Variants in ALKBH8 observed in about 807,000 individuals in gnomAD.
The protein encoded by ALKBH8 is tRNA (carboxymethyluridine(34)-5-O)-methyltransferase ALKBH8.
In ALKBH8, 36 loss-of-function variants were observed where a neutral mutation model predicts 59.8. The ratio of observed to expected loss-of-function variants is 0.60; its 90% CI spans 0.46 to 0.79. The LOEUF is 0.79. Ranked by LOEUF, ALKBH8 falls within the 30% of genes least tolerant of loss-of-function variation. The pLI, the probability that ALKBH8 is intolerant of heterozygous loss-of-function variation, is 0.00. For missense variants in ALKBH8, 768 were observed against 801.0 expected (o/e 0.96, Z 0.50); for synonymous variants, 276 against 273.6 (o/e 1.01, Z -0.09).
At chr11:107,559,066 G>A (rs989466844) in intron 2 of ALKBH8, among the ~76,000 whole-genome samples, 12 of 152,204 alleles carry the variant, frequency 7.9e-5, no homozygotes, top group African/African-American at 2.4e-4. Context: ...TAGTGAATAA[G>A]TCTCATGAGA....
chr11:107,522,193 A>G (rs1863140012), intron 10 of ALKBH8, 106 bp downstream of exon 10: 2 of 1,325,392 alleles, frequency 1.5e-6, no homozygotes, highest in Non-Finnish European at 2.0e-6. Context: ...GTTGGTTATA[A>G]CTTTCTGGCA....
chr11:107,535,228 T>C (rs753020837), intron 7 of ALKBH8, among the ~76,000 whole-genome samples: 22 of 152,224 alleles, frequency 1.4e-4, no homozygotes, highest in Non-Finnish European at 2.8e-4. Context: ...TGTGCAATTA[T>C]CTTTTTTGTA....
At chr11:107,547,904 TA>T (rs1302174932) in intron 7 of ALKBH8, among the ~76,000 whole-genome samples, 1 of 152,324 alleles carries the variant, frequency 6.6e-6, no homozygotes, top group East Asian at 1.9e-4. Context: ...TCAGTTCAAC[TA>T]AAGGGCAAAT....
intron 10 of ALKBH8, among the ~76,000 whole-genome samples, chr11:107,515,585 G>A (rs1321487625): frequency 6.6e-6 from 1 of 152,060 alleles, no homozygotes; most frequent in Non-Finnish European, 1.5e-5. Flanking sequence ...TCCAACTCTT[G>A]GTCTCAGGCA....
At chr11:107,558,711 A>G (rs901765235) in intron 2 of ALKBH8, among the ~76,000 whole-genome samples, 2 of 152,240 alleles carry the variant, frequency 1.3e-5, no homozygotes, top group African/African-American at 4.8e-5. Flanking sequence ...TGTCATAACT[A>G]AATGTAATAT....
In ALKBH8 at chr11:107,504,762, G is replaced by A. The variant is rs531454169; in HGVS notation, c.1891C>T (p.Arg631Cys). 39 of 1,551,934 alleles carry A rather than the reference G, an allele frequency of 2.5e-5. No individual in the cohort carries two copies. In the East Asian group the frequency reaches 3.4e-4, roughly 14 times the overall value. ...CAGGCACCTTCCAGTTCTCCCTCAC[G>A]GAACACATGGTAGTAACGATGAAAC... ...PVFHRYYHVF[R>C]EGELEGACRT... Residue 631 changes from arginine to cysteine, a missense_variant, in exon 12 of 12, where the codon CGT becomes TGT. Transcript: ENST00000428149.
At chr11:107,520,623 G>A (rs1863069786) in intron 10 of ALKBH8, among the ~76,000 whole-genome samples, 1 of 152,142 alleles carries the variant, frequency 6.6e-6, no homozygotes. Flanking sequence ...ACTGTGGTTT[G>A]TTGTGATTTT....
intron 7 of ALKBH8, among the ~76,000 whole-genome samples, chr11:107,546,203 G>A (rs960011946): frequency 6.6e-6 from 1 of 152,096 alleles, no homozygotes; most frequent in Non-Finnish European, 1.5e-5. Flanking sequence ...TATAATAGAA[G>A]TTAGGTATTG....
rs371011851 is a variant in ALKBH8 at position 107,522,379 on chromosome 11, C to A, written c.1207G>T (p.Ala403Ser). The A allele has an allele frequency of 4.5e-6, 7 of 1,551,716 alleles. No individual in the cohort carries two copies. The highest frequency in any genetic ancestry group is 6.1e-6 in the Non-Finnish European group (7 of 1,146,980). The change falls in exon 10 of 12, where the codon GCT becomes TCT. Residue 403 changes from alanine to serine, a missense_variant. By Grantham distance (99) the Ala-to-Ser change is moderately conservative. Transcript: ENST00000428149. The stretch of plus-strand genomic sequence containing the variant: ...GCCACTATTGAACCACTTGGCAAAG[C>A]CTTCAAAAACTCCACAATGTGCGGC... ...PWPHIVEFLKALPSGSIVADI... is the reference protein window; with the variant it reads ...PWPHIVEFLKSLPSGSIVADI...
In ALKBH8 at chr11:107,504,308, C is replaced by T; in HGVS notation, c.*350G>A. ...TTCTGTATTAACATATAATTACATC[C>T]CTAAAATCCTACATGATTTACTACA... On this transcript the variant is annotated 3_prime_UTR_variant, in exon 12 of 12. Coordinates refer to ENST00000428149, the MANE Select transcript of ALKBH8 (RefSeq NM_138775.3). 1.9e-6 allele frequency: 1 copy of T among 535,222 alleles called. No homozygotes were observed. The highest frequency in any genetic ancestry group is 3.1e-5 in the East Asian group (1 of 32,702). The allele number at this position is 535,222 out of a possible 1,614,324, so 33.2% of individuals were successfully genotyped here. A position where few individuals can be genotyped will look rare whatever the true frequency, so the allele number is the denominator to read the frequency against.
At chr11:107,562,314 T>C (rs996748178) in intron 1 of ALKBH8, among the ~76,000 whole-genome samples, 1 of 136,386 alleles carries the variant, frequency 7.3e-6, no homozygotes, top group Admixed American at 7.1e-5. Context: ...AAAAAAAAAG[T>C]ATGTAAACTG....
chr11:107,542,837 G>C (rs1295844662), intron 7 of ALKBH8, among the ~76,000 whole-genome samples: 1 of 152,174 alleles, frequency 6.6e-6, no homozygotes, highest in Non-Finnish European at 1.5e-5. Flanking sequence ...TTGAGACTGG[G>C]AGGTCGAGGC....
intron 10 of ALKBH8, among the ~76,000 whole-genome samples, chr11:107,513,150 A>G (rs1187448876): frequency 6.6e-6 from 1 of 152,236 alleles, no homozygotes; most frequent in East Asian, 1.9e-4. Flanking sequence ...CAAACTATGG[A>G]TCTGACAAAG....
chr11:107,526,014 T>C (rs1231772891), intron 8 of ALKBH8, among the ~76,000 whole-genome samples: 2 of 151,982 alleles, frequency 1.3e-5, no homozygotes, highest in Admixed American at 1.3e-4. Context: ...AACTACATGG[T>C]AATTACAAGT....
At position 107,565,675 on chromosome 11, in the gene ALKBH8, G is replaced by C. The variant is rs551679097; in HGVS notation, c.-81C>G. 7.8e-6 allele frequency: 12 copies of C among 1,535,648 alleles called. No individual in the cohort carries two copies. In the African/African-American group the frequency reaches 1.6e-4, roughly 21 times the overall value. On this transcript the variant is annotated 5_prime_UTR_variant, in exon 1 of 12. Coordinates refer to ENST00000428149, the MANE Select transcript of ALKBH8 (RefSeq NM_138775.3). ...TGCCAGCCTCTCCACTCTAGCACCA[G>C]AACACCGCAGCGGATACTTGCACGC... is the stretch of plus-strand genomic sequence containing the variant.
intron 7 of ALKBH8, among the ~76,000 whole-genome samples, chr11:107,539,233 T>TA (rs2135542077): frequency 6.6e-6 from 1 of 152,336 alleles, no homozygotes; most frequent in South Asian, 2.1e-4. Context: ...CCTTGGAGAC[T>TA]AATGGCTGAT....
At chr11:107,519,559 A>G (rs1177167027) in intron 10 of ALKBH8, among the ~76,000 whole-genome samples, 1 of 152,208 alleles carries the variant, frequency 6.6e-6, no homozygotes, top group Non-Finnish European at 1.5e-5. Flanking sequence ...CAGGTTGAAT[A>G]TCCCTTATTT....
chr11:107,565,430 A>C, intron 1 of ALKBH8, 171 bp downstream of exon 1: 1 of 841,078 alleles, frequency 1.2e-6, no homozygotes, highest in Admixed American at 2.6e-5. Flanking sequence ...AGAACCACCC[A>C]ACGCAGACAC....
At chr11:107,530,786 C>T (rs1417476068) in intron 8 of ALKBH8, among the ~76,000 whole-genome samples, 2 of 152,118 alleles carry the variant, frequency 1.3e-5, no homozygotes, top group Non-Finnish European at 2.9e-5. Flanking sequence ...ATCTAACTTT[C>T]CAGAGACAAC....
Sources: allele counts gnomAD v4.1 joint callset (sites outside exome capture counted in the v4.1 genomes callset), GRCh38; gene constraint gnomAD v4.1.1; transcripts MANE v1.5; gene names NCBI Gene and HGNC (gene_info 2026-07-23, HGNC 2026-07-21).